Variants in RELN observed in about 807,000 individuals in gnomAD.
RELN encodes reelin.
In RELN, 108 loss-of-function variants were observed where a neutral mutation model predicts 427.6. The observed-to-expected ratio is 0.25, with a 90% CI of 0.22 to 0.30. The LOEUF (loss-of-function observed/expected upper bound fraction) is 0.30, where lower values mean the gene tolerates loss of function less well. Ranked by LOEUF, RELN falls within the 10% of genes least tolerant of loss-of-function variation. RELN has a pLI of 1.00. For missense variants in RELN, 3,715 were observed against 4,302.8 expected (o/e 0.86, Z 3.82); for synonymous variants, 1,524 against 1,513.4 (o/e 1.01, Z -0.16).
chr7:103,651,037 G>A (rs1278879743), intron 15 of RELN, among the ~76,000 whole-genome samples: 1 of 152,044 alleles, frequency 6.6e-6, no homozygotes, highest in Non-Finnish European at 1.5e-5. Flanking sequence ...GTGCAGAGAT[G>A]TACTGCTAAT....
rs1796703117 is a variant in RELN at position 103,968,576 on chromosome 7, G to C, written c.226+20555C>G. On this transcript the variant is annotated intron_variant, in intron 1 of 64. Transcript: ENST00000428762. The surrounding 1 kb of genome is among the most constrained non-coding windows in gnomAD (Gnocchi z 4.3). ...TAGATCTCCTCAATGAGAGATCCAA[G>C]AAGACAAAGGATATTACTGCTTCCT... is the stretch of plus-strand genomic sequence containing the variant. Among the ~76,000 whole-genome samples, 1 of 152,096 alleles carries C rather than the reference G, an allele frequency of 6.6e-6. No individual in the cohort carries two copies.
chr7:103,945,547 A>C (rs929187181), intron 1 of RELN, among the ~76,000 whole-genome samples: 2 of 152,154 alleles, frequency 1.3e-5, no homozygotes, highest in Non-Finnish European at 2.9e-5. Flanking sequence ...TCCTCTGGCC[A>C]ACAAGCCACA....
At chr7:103,795,242 T>C (rs912950830) in intron 3 of RELN, among the ~76,000 whole-genome samples, 1 of 152,236 alleles carries the variant, frequency 6.6e-6, no homozygotes, top group Non-Finnish European at 1.5e-5. Context: ...ATATAAATGG[T>C]CCTCACAGGC....
At chr7:103,668,389 T>C (rs1833318533) in intron 11 of RELN, among the ~76,000 whole-genome samples, 1 of 152,236 alleles carries the variant, frequency 6.6e-6, no homozygotes, top group South Asian at 2.1e-4. Context: ...TTGCCATGTC[T>C]AATTTGGCCT....
chr7:103,721,017 G>A (rs775082927), intron 8 of RELN, among the ~76,000 whole-genome samples: 5 of 152,078 alleles, frequency 3.3e-5, no homozygotes, highest in Non-Finnish European at 5.9e-5. Context: ...CTCTCAAAGT[G>A]TAGTAAGTAA....
intron 3 of RELN, among the ~76,000 whole-genome samples, chr7:103,794,883 A>T (rs56764559): frequency 6.6e-6 from 1 of 151,904 alleles, no homozygotes; most frequent in Admixed American, 6.6e-5. Flanking sequence ...TGATTCAGAA[A>T]CCCTGGTATA....
chr7:103,731,559 T>A (rs954450310), intron 6 of RELN, among the ~76,000 whole-genome samples: 1 of 152,118 alleles, frequency 6.6e-6, no homozygotes, highest in Admixed American at 6.6e-5. Flanking sequence ...TGTCCAAGGT[T>A]ACACAGCTAG....
At chr7:103,773,116 CT>C (rs113547266) in intron 4 of RELN, among the ~76,000 whole-genome samples, 1 of 68,608 alleles carries the variant, frequency 1.5e-5, no homozygotes, top group East Asian at 5.7e-4. Flanking sequence ...TTCTTTCTTT[CT>C]TTCTTTCTTT....
rs987256239 is a variant in RELN, at chr7:103,810,668, A to T, written c.473+22869T>A. ...GATTACCCTTCCTTGCAGGAAAAAA[A>T]AAACAAAAACAAAAAACCTTGCCTC... On this transcript the variant is annotated intron_variant, in intron 3 of 64. Coordinates refer to ENST00000428762, the MANE Select transcript of RELN (RefSeq NM_005045.4). Among the ~76,000 whole-genome samples the T allele has an allele frequency of 4.6e-5, 7 of 152,276 alleles. No individual in the cohort carries two copies. The East Asian group carries it at 9.7e-4, about 21-fold the overall frequency.
intron 57 of RELN, among the ~76,000 whole-genome samples, chr7:103,494,365 T>TTGTGTGTGTGTGTGTGTG (rs58533286): frequency 0.015 from 1,733 of 118,272 alleles, 31 homozygotes; most frequent in African/African-American, 0.044. Flanking sequence ...GTAATGACTT[T>TTGTGTGTGTGTGTGTGTG]TGTGTGTGTG....
At chr7:103,501,113 T>C (rs574650940) in intron 52 of RELN, among the ~76,000 whole-genome samples, 191 bp from the exon 53 acceptor site, 5 of 152,360 alleles carry the variant, frequency 3.3e-5, no homozygotes, top group African/African-American at 1.2e-4. Context: ...GCTGGTTTTA[T>C]TGAAATTTCA....
rs141183657 is a variant in RELN, at chr7:103,935,075, T to C, written c.227-17890A>G. Among the ~76,000 whole-genome samples the C allele has an allele frequency of 4.9e-3, 751 of 152,346 alleles. 5 individuals are homozygous for C. Among genetic ancestry groups the C allele is most frequent in the African/African-American group, 0.017 (720 of 41,570 alleles). Reference sequence around the variant, plus strand: ...GACCTGGAACCGAGTGCTTCATAAATGTTTGGTGAATAAGTGAATGACATT... The same window carrying C: ...GACCTGGAACCGAGTGCTTCATAAACGTTTGGTGAATAAGTGAATGACATT... On this transcript the variant is annotated intron_variant, in intron 1 of 64. Coordinates refer to ENST00000428762, the MANE Select transcript of RELN (RefSeq NM_005045.4).
intron 3 of RELN, among the ~76,000 whole-genome samples, chr7:103,800,420 A>G: frequency 6.6e-6 from 1 of 152,226 alleles, no homozygotes; most frequent in East Asian, 1.9e-4. Context: ...CTCAGAAGTA[A>G]CACCACACAT....
intron 28 of RELN, 51 bp downstream of exon 28, chr7:103,589,545 G>T: frequency 8.6e-7 from 1 of 1,169,230 alleles, no homozygotes; most frequent in Non-Finnish European, 1.3e-6. Flanking sequence ...TATAGCATTT[G>T]GGACTGTGTC....
chr7:103,845,491 A>C (rs895112018), intron 2 of RELN, among the ~76,000 whole-genome samples: 2 of 152,186 alleles, frequency 1.3e-5, no homozygotes, highest in Non-Finnish European at 2.9e-5. Flanking sequence ...CACTCTCAAC[A>C]TTGTGGTTGA....
intron 6 of RELN, 75 bp downstream of exon 6, chr7:103,749,351 C>T: frequency 1.8e-6 from 2 of 1,135,740 alleles, no homozygotes; most frequent in Admixed American, 3.4e-5. Flanking sequence ...TTTTAAGTAA[C>T]TGCTCCTTAA....
intron 36 of RELN, 94 bp from the exon 37 acceptor site, chr7:103,558,143 A>G: frequency 1.4e-6 from 1 of 698,324 alleles, no homozygotes; most frequent in Non-Finnish European, 2.7e-6. Context: ...TAGCTAAGTA[A>G]TAAATACATA....
intron 8 of RELN, among the ~76,000 whole-genome samples, chr7:103,721,418 G>A (rs1222294107): frequency 2.0e-5 from 3 of 152,078 alleles, no homozygotes; most frequent in East Asian, 3.9e-4. Flanking sequence ...CTAGTCCCGA[G>A]ACCTTGGCCC....
intron 9 of RELN, among the ~76,000 whole-genome samples, chr7:103,698,937 G>T (rs139181605): frequency 2.0e-5 from 3 of 152,140 alleles, no homozygotes; most frequent in African/African-American, 7.2e-5. Context: ...GTTTTCATAT[G>T]TTTAGTCTAT....
Sources: allele counts gnomAD v4.1 joint callset (sites outside exome capture counted in the v4.1 genomes callset), GRCh38; gene constraint gnomAD v4.1.1; non-coding constraint Gnocchi (gnomAD v3.1); transcripts MANE v1.5; gene names NCBI Gene and HGNC (gene_info 2026-07-23, HGNC 2026-07-21).